Variants in QKI observed in about 807,000 individuals in gnomAD.
The protein encoded by QKI is QKI, KH domain containing RNA binding.
Under a neutral mutation model 39.0 loss-of-function variants are expected in QKI, and 10 were observed. That is an observed-to-expected ratio of 0.26 (90% CI 0.16 to 0.43). The LOEUF (loss-of-function observed/expected upper bound fraction) is 0.43. QKI is among the 20% of genes least tolerant of loss of function. The pLI is 1.00. For synonymous variants in QKI, 204 were observed against 155.4 expected (o/e 1.31, Z -2.33); for missense variants, 218 against 428.0 (o/e 0.51, Z 4.33).
chr6:163,561,004 A>G (rs1782960570), intron 4 of QKI, among the ~76,000 whole-genome samples: 1 of 152,184 alleles, frequency 6.6e-6, no homozygotes, highest in African/African-American at 2.4e-5. Context: ...TTTTGCTTTT[A>G]AAAGTTTTCT....
At chr6:163,570,051 T>TG in intron 7 of QKI, 5 of 986,260 alleles carry the variant, frequency 5.1e-6, no homozygotes, top group Non-Finnish European at 4.8e-6. Context: ...TAGACTACAG[T>TG]TTAGTATCGC....
In QKI at chr6:163,578,135, G is replaced by A. The variant is rs1363623149; in HGVS notation, c.*7425G>A. Reference sequence around the variant, plus strand: ...TGCTACACAACAGTTCCAATTTTAAGGAGTGTCTCCTAAAATTGGGATGAA... The same window carrying A: ...TGCTACACAACAGTTCCAATTTTAAAGAGTGTCTCCTAAAATTGGGATGAA... On this transcript the variant is annotated 3_prime_UTR_variant, in exon 8 of 8. Coordinates refer to ENST00000361752, the MANE Select transcript of QKI (RefSeq NM_006775.3). The A allele has an allele frequency of 2.0e-5, 3 of 152,070 alleles. No homozygotes were observed. The highest frequency in any genetic ancestry group is 4.4e-5 in the Non-Finnish European group (3 of 68,022). 9.4% of individuals were successfully genotyped at this position (152,070 alleles called of 1,614,324 possible). A position where few individuals can be genotyped will look rare whatever the true frequency, so the allele number is the denominator to read the frequency against.
intron 3 of QKI, among the ~76,000 whole-genome samples, chr6:163,531,464 T>C (rs1291763599): frequency 6.6e-6 from 1 of 152,188 alleles, no homozygotes; most frequent in Non-Finnish European, 1.5e-5. Flanking sequence ...TAATGAGAGT[T>C]CATCTAGTCC....
intron 2 of QKI, among the ~76,000 whole-genome samples, chr6:163,473,631 G>C (rs1792367297): frequency 6.6e-6 from 1 of 152,066 alleles, no homozygotes; most frequent in African/African-American, 2.4e-5. Context: ...TGAAAATTTA[G>C]ACAAAATGGA....
chr6:163,568,005 T>C, intron 7 of QKI: 1 of 985,568 alleles, frequency 1.0e-6, no homozygotes, highest in Non-Finnish European at 1.2e-6. Flanking sequence ...TGAAGACTTT[T>C]AAACTAATGT....
chr6:163,550,239 C>T (rs1176186082), intron 4 of QKI, among the ~76,000 whole-genome samples: 1 of 152,130 alleles, frequency 6.6e-6, no homozygotes, highest in African/African-American at 2.4e-5. Context: ...GCAGCGCAGG[C>T]ACTACATGGT....
intron 1 of QKI, among the ~76,000 whole-genome samples, chr6:163,448,140 A>G (rs769338242): frequency 5.9e-5 from 9 of 152,156 alleles, no homozygotes; most frequent in East Asian, 1.9e-4. Context: ...CATTGTTACA[A>G]AGTTTTTGCT....
intron 3 of QKI, among the ~76,000 whole-genome samples, chr6:163,500,014 G>T (rs991803079): frequency 4.6e-5 from 7 of 152,136 alleles, no homozygotes; most frequent in African/African-American, 1.7e-4. Flanking sequence ...TCTGATGGGT[G>T]GTTGACATGG....
intron 6 of QKI, chr6:163,563,930 CTG>C (rs1342395151): frequency 7.1e-7 from 1 of 1,403,964 alleles, no homozygotes; most frequent in Non-Finnish European, 9.2e-7. Flanking sequence ...ACTTTGGTAA[CTG>C]AGGTTCAGTT....
At chr6:163,470,311 G>A (rs1792089443) in intron 2 of QKI, among the ~76,000 whole-genome samples, 1 of 151,986 alleles carries the variant, frequency 6.6e-6, no homozygotes, top group Non-Finnish European at 1.5e-5. Context: ...CGTACTTTAG[G>A]AGTAAGAATG....
At chr6:163,494,927 T>A (rs55857680) in intron 3 of QKI, among the ~76,000 whole-genome samples, 94 of 151,480 alleles carry the variant, frequency 6.2e-4, no homozygotes, top group Middle Eastern at 6.8e-3. Context: ...TTATTTATTT[T>A]TTTTTTGAGA....
chr6:163,561,866 A>G, intron 4 of QKI, 116 bp from the exon 5 acceptor site: 1 of 683,698 alleles, frequency 1.5e-6, no homozygotes. Context: ...TTTTCCCCTT[A>G]TTAAAACAGG....
chr6:163,517,100 T>C (rs1486119932), intron 3 of QKI, among the ~76,000 whole-genome samples: 1 of 113,092 alleles, frequency 8.8e-6, no homozygotes, highest in Non-Finnish European at 1.9e-5. Flanking sequence ...TCTCTCTCTC[T>C]CTAGCTCTCT....
chr6:163,517,918 C>A (rs530943810), intron 3 of QKI, among the ~76,000 whole-genome samples: 1 of 152,230 alleles, frequency 6.6e-6, no homozygotes, highest in African/African-American at 2.4e-5. Context: ...TAAGGTAAAT[C>A]TGGTAACCTG....
chr6:163,454,943 A>G (rs961905407), intron 1 of QKI, among the ~76,000 whole-genome samples: 2 of 152,216 alleles, frequency 1.3e-5, no homozygotes, highest in African/African-American at 2.4e-5. Flanking sequence ...TACTGAAGCT[A>G]TGATTTGGAA....
chr6:163,466,084 A>T (rs1327784461), intron 2 of QKI, among the ~76,000 whole-genome samples: 1 of 151,332 alleles, frequency 6.6e-6, no homozygotes, highest in African/African-American at 2.4e-5. Flanking sequence ...CCGAGATCAC[A>T]TCACTGCACT....
At chr6:163,481,408 C>A (rs1793068184) in intron 3 of QKI, among the ~76,000 whole-genome samples, 1 of 152,132 alleles carries the variant, frequency 6.6e-6, no homozygotes, top group African/African-American at 2.4e-5. Flanking sequence ...CATGGCTATT[C>A]TATGGAGTAT....
At chr6:163,424,905 A>G (rs1021388334) in intron 1 of QKI, among the ~76,000 whole-genome samples, 1 of 152,200 alleles carries the variant, frequency 6.6e-6, no homozygotes, top group African/African-American at 2.4e-5. Flanking sequence ...TTCTGGGATT[A>G]CAGGTGTTAG....
In QKI at chr6:163,577,768, T is replaced by G. The variant is rs1351156125; in HGVS notation, c.*7058T>G. On this transcript the variant is annotated 3_prime_UTR_variant, in exon 8 of 8. Coordinates refer to ENST00000361752, the MANE Select transcript of QKI (RefSeq NM_006775.3). The stretch of plus-strand genomic sequence containing the variant: ...GGTGACATAAAATCAGTTTTGATGT[T>G]TTTCCTCCTGAAAAATCAGATGAAT... 2 of 152,192 alleles carry G rather than the reference T, an allele frequency of 1.3e-5. No homozygotes were observed. Among genetic ancestry groups the G allele is most frequent in the South Asian group, 4.1e-4 (2 of 4,832 alleles). The allele number at this position is 152,192 out of a possible 1,614,324, so 9.4% of individuals were successfully genotyped here.
Sources: gnomAD v4.1 joint callset for allele counts (sites outside exome capture counted in the v4.1 genomes callset) on GRCh38, gnomAD v4.1.1 for gene constraint, MANE v1.5 for transcripts, NCBI Gene and HGNC (gene_info 2026-07-23, HGNC 2026-07-21) for gene names.